Variants in HERC2 observed in about 807,000 individuals in gnomAD.
The protein encoded by HERC2 is HECT and RLD domain containing E3 ubiquitin protein ligase 2, also known as E3 ubiquitin-protein ligase HERC2.
Under a neutral mutation model 537.7 loss-of-function variants are expected in HERC2, and 102 were observed. That is an observed-to-expected ratio of 0.19 (90% CI 0.16 to 0.22). The LOEUF (loss-of-function observed/expected upper bound fraction) is 0.22. Ranked by LOEUF, HERC2 falls within the 10% of genes least tolerant of loss-of-function variation. The pLI, the probability that HERC2 is intolerant of heterozygous loss-of-function variation, is 1.00. For synonymous variants in HERC2, 2,224 were observed against 2,466.2 expected, an observed-to-expected ratio of 0.90 and a Z score of 2.91; for missense variants, 4,236 against 6,198.2, an observed-to-expected ratio of 0.68 and a Z score of 10.63.
intron 4 of HERC2, among the ~76,000 whole-genome samples, chr15:28,289,291 A>C (rs1248192218): frequency 6.6e-6 from 1 of 152,154 alleles, no homozygotes; most frequent in African/African-American, 2.4e-5. Context: ...CCAAATCAGA[A>C]GAAAGGAGAG....
At chr15:28,312,055 G>C (rs1413597155) in intron 2 of HERC2, among the ~76,000 whole-genome samples, 16 of 151,944 alleles carry the variant, frequency 1.1e-4, no homozygotes, top group African/African-American at 3.6e-4. Context: ...TTGGAAGGTA[G>C]ACACTGGACT....
Position 28,218,515 on chromosome 15 carries a change from A to G in HERC2, c.6002T>C (p.Val2001Ala), listed in dbSNP as rs1362470313. The G allele has an allele frequency of 2.5e-6, 4 of 1,595,836 alleles. No individual in the cohort carries two copies. Among genetic ancestry groups the G allele is most frequent in the South Asian group, 1.1e-5 (1 of 90,938 alleles). Residue 2001 changes from valine (V) to alanine (A), a missense_variant, in exon 38 of 93, where the codon GTG becomes GCG. This residue lies in a region of HERC2 where 365 missense variants were observed against 468.8 expected (regional missense o/e 0.78). Transcript: ENST00000261609. ...TGTCTTGTCCGTCGTTCCGCTTTCC[A>G]CTAACATTCGCAGCAGTCCGCATAA... ...KTLCGLLRML[V>A]ESGTTDKTSS...
At chr15:28,318,265 C>T (rs1046827390) in intron 2 of HERC2, among the ~76,000 whole-genome samples, 3 of 152,126 alleles carry the variant, frequency 2.0e-5, no homozygotes, top group Admixed American at 6.5e-5. Flanking sequence ...AGCTCTGTAA[C>T]GTATTACTCT....
chr15:28,177,379 G>A lies in HERC2; in HGVS notation c.9254+40C>T, dbSNP rs768056459. 1 of 1,547,822 alleles carries A rather than the reference G, an allele frequency of 6.5e-7. No individual in the cohort carries two copies. Among genetic ancestry groups the A allele is most frequent in the Non-Finnish European group, 8.9e-7 (1 of 1,119,922 alleles). ...TTCTCAAGAGTATCAGTCAGAAACA[G>A]TTTCTTATTAGCAAATGAGACTAAA... On this transcript the variant is annotated intron_variant, in intron 60 of 92. Transcript: ENST00000261609. The surrounding 1 kb of genome is among the most constrained non-coding windows in gnomAD (Gnocchi z 5.0).
Position 28,132,773 on chromosome 15 carries a change from A to G in HERC2, c.12288T>C (p.Val4096=), listed in dbSNP as rs1890235878. 1 of 1,606,888 alleles carries G rather than the reference A, an allele frequency of 6.2e-7. No individual in the cohort carries two copies. Among genetic ancestry groups the G allele is most frequent in the African/African-American group, 1.3e-5 (1 of 74,542 alleles). The change falls in exon 80 of 93, where the codon GTT becomes GTC. Residue 4096 remains valine, a synonymous_variant. Transcript: ENST00000261609. ...AGGCGCTGTGGGCTCCGCCAGCAGC[A>G]ACATCGACCACTTCAATTCCTCTCA... is the stretch of plus-strand genomic sequence containing the variant. The part of the protein sequence containing the change: ...ESLRGIEVVD[V]AAGGAHSACV...
rs1450119989 is a variant in HERC2, at chr15:28,113,256, G to A, written c.14047C>T (p.His4683Tyr). 1 of 1,614,118 alleles carries A rather than the reference G, an allele frequency of 6.2e-7. No homozygotes were observed. Among genetic ancestry groups the A allele is most frequent in the Non-Finnish European group, 8.5e-7 (1 of 1,180,040 alleles). ...MVCGSPDIPL[H>Y]LLKSVATYKG... The stretch of plus-strand genomic sequence containing the variant: ...TAGGTGGCCACCGACTTGAGAAGGT[G>A]CAGCGGGATGTCAGGGCTGCCACAC... Residue 4683 changes from histidine to tyrosine, a missense_variant, in exon 92 of 93, where the codon CAC (histidine) becomes TAC (tyrosine). This residue lies in a region of HERC2 where 313 missense variants were observed against 462.6 expected (regional missense o/e 0.68). Coordinates refer to ENST00000261609, the MANE Select transcript of HERC2 (RefSeq NM_004667.6). This position sits in a 1 kb window ranked among gnomAD's most constrained non-coding sequence, Gnocchi z 7.0.
At chr15:28,231,484 G>C (rs1278649610) in intron 30 of HERC2, among the ~76,000 whole-genome samples, 2 of 152,176 alleles carry the variant, frequency 1.3e-5, no homozygotes, top group Non-Finnish European at 2.9e-5. Context: ...GGCACTGCCT[G>C]CGTATGTGAC....
chr15:28,261,741 T>G (rs537028069), intron 15 of HERC2, among the ~76,000 whole-genome samples: 57 of 152,204 alleles, frequency 3.7e-4, no homozygotes, highest in Non-Finnish European at 7.5e-4. Flanking sequence ...CTTCTTACTC[T>G]GCAACTTATC....
Position 28,186,723 on chromosome 15 carries a change from C to T in HERC2, c.8679G>A (p.Lys2893=), listed in dbSNP as rs1012892265. 1.9e-6 allele frequency: 3 copies of T among 1,613,822 alleles called. No homozygotes were observed. Among genetic ancestry groups the T allele is most frequent in the East Asian group, 2.2e-5 (1 of 44,880 alleles). ...EYHRYIEIAI[K]QCRSSGIDCK... is the part of the protein sequence containing the mutation. The stretch of plus-strand genomic sequence containing the variant: ...AATCGATTCCTGAGCTCCTGCACTG[C>T]TTTATAGCAATTTCAATATACCTGT... The change falls in exon 56 of 93, where the codon AAG becomes AAA. Residue 2893 remains lysine, a synonymous_variant. Coordinates refer to ENST00000261609, the MANE Select transcript of HERC2 (RefSeq NM_004667.6).
Position 28,235,592 on chromosome 15 carries a change from C to T in HERC2, c.4004-1308G>A, listed in dbSNP as rs550163008. 2.6e-5 allele frequency among the ~76,000 whole-genome samples: 4 copies of T among 152,316 alleles called. No homozygotes were observed. In the South Asian group the frequency reaches 8.3e-4, roughly 32 times the overall value. Reference sequence around the variant, plus strand: ...AGCAGGAGAGCCCTGCTCCTCTCAGCATTGCCCTTGACACTCCTGTGTTTT... The same window carrying T: ...AGCAGGAGAGCCCTGCTCCTCTCAGTATTGCCCTTGACACTCCTGTGTTTT... On this transcript the variant is annotated intron_variant, in intron 26 of 92. Transcript: ENST00000261609.
chr15:28,300,396 A>G (rs1272134888), intron 2 of HERC2, among the ~76,000 whole-genome samples: 1 of 149,664 alleles, frequency 6.7e-6, no homozygotes, highest in Admixed American at 6.6e-5. Flanking sequence ...AATATAATAT[A>G]CTATAATGAA....
At chr15:28,295,582 G>A (rs562391170) in intron 3 of HERC2, among the ~76,000 whole-genome samples, 1 of 152,158 alleles carries the variant, frequency 6.6e-6, no homozygotes, top group African/African-American at 2.4e-5. Flanking sequence ...GTTTTTAGTA[G>A]AGATGGGGTT....
In HERC2 at chr15:28,246,746, A is replaced by G; in HGVS notation, c.3387T>C (p.Phe1129=). 1 of 1,576,574 alleles carries G rather than the reference A, an allele frequency of 6.3e-7. No individual in the cohort carries two copies. Among genetic ancestry groups the G allele is most frequent in the Non-Finnish European group, 8.6e-7 (1 of 1,164,310 alleles). ...CAAGCAGGAAACAAAAGGTACCAGT[A>G]AAGTCCCCTTCCACAATGTAAGCCA... The part of the protein sequence containing the change: ...AEVAYIVEGD[F]TGVLLPELVV... The change falls in exon 22 of 93, where the codon TTT becomes TTC. Residue 1129 remains phenylalanine (F), a synonymous_variant. Coordinates refer to ENST00000261609, the MANE Select transcript of HERC2 (RefSeq NM_004667.6).
Position 28,235,059 on chromosome 15 carries a change from T to C in HERC2, c.4004-775A>G, listed in dbSNP as rs543291353. ...AACTGCTTATGGCAACTTGAGGGAGTGCACCACTACAGATCTCTATTAACG... is the reference window on the plus strand; with the variant it reads ...AACTGCTTATGGCAACTTGAGGGAGCGCACCACTACAGATCTCTATTAACG... On this transcript the variant is annotated intron_variant, in intron 26 of 92. Coordinates refer to ENST00000261609, the MANE Select transcript of HERC2 (RefSeq NM_004667.6). 1.9e-3 allele frequency among the ~76,000 whole-genome samples: 290 copies of C among 151,690 alleles called. 2 individuals are homozygous for C. Among genetic ancestry groups the C allele is most frequent in the Non-Finnish European group, 2.1e-3 (140 of 67,914 alleles).
At chr15:28,155,762 T>G (rs1892944619) in intron 69 of HERC2, among the ~76,000 whole-genome samples, 1 of 152,178 alleles carries the variant, frequency 6.6e-6, no homozygotes, top group Non-Finnish European at 1.5e-5. Flanking sequence ...AGCTCTTTAG[T>G]TTAATTGGAT....
chr15:28,240,725 C>T (rs1470789235), intron 23 of HERC2, among the ~76,000 whole-genome samples: 2 of 152,102 alleles, frequency 1.3e-5, no homozygotes, highest in Non-Finnish European at 2.9e-5. Context: ...AGAATGGAGA[C>T]CCCAAAAACA....
Position 28,198,637 on chromosome 15 carries a change from T to C in HERC2, c.7849A>G (p.Thr2617Ala), listed in dbSNP as rs1263198975. 1 of 1,613,944 alleles carries C rather than the reference T, an allele frequency of 6.2e-7. No homozygotes were observed. The highest frequency in any genetic ancestry group is 8.5e-7 in the Non-Finnish European group (1 of 1,179,968). ...VQCDWQQKGG[T>A]YWVRYIHVEL... Reference sequence around the variant, plus strand: ...ACATGAATGTACCTAACCCAGTAGGTGCCCCCTTTCTGCTGCCAGTCACAC... The same window carrying C: ...ACATGAATGTACCTAACCCAGTAGGCGCCCCCTTTCTGCTGCCAGTCACAC... Residue 2617 changes from threonine to alanine, a missense_variant, in exon 49 of 93, where the codon ACC becomes GCC. Physicochemically the swap from Thr to Ala is moderately conservative, Grantham distance 58. Transcript: ENST00000261609.
Position 28,112,017 on chromosome 15 carries a change from G to A in HERC2, c.14251C>T (p.Pro4751Ser). The change falls in exon 93 of 93, where the codon CCT becomes TCT. Residue 4751 changes from proline (P) to serine (S), a missense_variant. Pro to Ser is a moderately conservative substitution (Grantham distance 74, BLOSUM62 -1). This residue lies in a region of HERC2 where 313 missense variants were observed against 462.6 expected (regional missense o/e 0.68). Coordinates refer to ENST00000261609, the MANE Select transcript of HERC2 (RefSeq NM_004667.6). ...GACTCAGGGAGGAAGTGGTCTGGAG[G>A]GTTGTATTTATCCAACACCTGTTGA... ...FVIQVLDKYN[P>S]PDHFLPESYT... is the part of the protein sequence containing the mutation. 6.2e-7 allele frequency: 1 copy of A among 1,613,652 alleles called. No individual in the cohort carries two copies. The highest frequency in any genetic ancestry group is 8.5e-7 in the Non-Finnish European group (1 of 1,179,794).
intron 78 of HERC2, among the ~76,000 whole-genome samples, chr15:28,137,872 T>C (rs1890808864): frequency 6.6e-6 from 1 of 152,236 alleles, no homozygotes; most frequent in South Asian, 2.1e-4. Context: ...GGCTGAATGC[T>C]AGGCCTCTTG....
Sources: gnomAD v4.1 joint callset for allele counts (sites outside exome capture counted in the v4.1 genomes callset) on GRCh38, gnomAD v4.1.1 for gene constraint, gnomAD v4.1.1 regional missense constraint, Gnocchi (gnomAD v3.1) non-coding constraint, MANE v1.5 for transcripts, NCBI Gene and HGNC (gene_info 2026-07-23, HGNC 2026-07-21) for gene names.